DLGAP1: variants seen among roughly 807,000 people sequenced by gnomAD.
The protein encoded by DLGAP1 is disks large-associated protein 1.
A neutral mutation model predicts 90.8 loss-of-function variants in DLGAP1; 11 were observed. The observed-to-expected ratio is 0.12, with a 90% CI of 0.08 to 0.20. The LOEUF (loss-of-function observed/expected upper bound fraction) is 0.20, where lower values mean the gene tolerates loss of function less well. DLGAP1 is among the 10% of genes least tolerant of loss of function. The pLI, the probability that DLGAP1 is intolerant of heterozygous loss-of-function variation, is 1.00. For synonymous variants in DLGAP1, 558 were observed against 540.7 expected, an observed-to-expected ratio of 1.03 and a Z score of -0.44; for missense variants, 1,050 against 1,333.8, an observed-to-expected ratio of 0.79 and a Z score of 3.31.
intron 3 of DLGAP1, among the ~76,000 whole-genome samples, chr18:3,965,510 C>G (rs2073305235): frequency 6.6e-6 from 1 of 152,128 alleles, no homozygotes; most frequent in Non-Finnish European, 1.5e-5. Context: ...TATCTAGATA[C>G]TGGAGTAGGT....
chr18:3,659,126 G>A (rs2059594493), intron 7 of DLGAP1, among the ~76,000 whole-genome samples: 1 of 152,038 alleles, frequency 6.6e-6, no homozygotes, highest in Non-Finnish European at 1.5e-5. Flanking sequence ...AAGTAACTAT[G>A]TTACAGTGAA....
rs575319727 is a variant in DLGAP1, at chr18:3,906,159, A to C, written c.-72-26019T>G. Among the ~76,000 whole-genome samples, 138 of 152,322 alleles carry C rather than the reference A, an allele frequency of 9.1e-4. 2 individuals are homozygous for C. The highest frequency in any genetic ancestry group is 3.2e-3 in the African/African-American group (131 of 41,570). On this transcript the variant is annotated intron_variant, in intron 3 of 12. Transcript: ENST00000315677. ...TTTGAAATTGATGTAAACTTAGTCC[A>C]TCTTTATAGTAGAAAAGAACTGAAC...
chr18:4,283,445 C>A (rs1361949452), intron 1 of DLGAP1, among the ~76,000 whole-genome samples: 1 of 152,072 alleles, frequency 6.6e-6, no homozygotes, highest in East Asian at 1.9e-4. Context: ...CAAACATATA[C>A]TAGTTACCAC....
At chr18:3,938,106 C>A (rs2072682575) in intron 3 of DLGAP1, among the ~76,000 whole-genome samples, 1 of 152,162 alleles carries the variant, frequency 6.6e-6, no homozygotes, top group African/African-American at 2.4e-5. Flanking sequence ...ACTAAGGCAA[C>A]TGAAGTTTGG....
intron 3 of DLGAP1, among the ~76,000 whole-genome samples, chr18:3,947,723 C>T (rs2072904999): frequency 6.6e-6 from 1 of 152,166 alleles, no homozygotes; most frequent in Admixed American, 6.5e-5. Flanking sequence ...AGAACTTGCC[C>T]TATATCACAT....
At chr18:4,413,633 C>T (rs1037573677) in intron 1 of DLGAP1, among the ~76,000 whole-genome samples, 6 of 152,178 alleles carry the variant, frequency 3.9e-5, no homozygotes, top group African/African-American at 1.4e-4. Context: ...CACAAAAGGA[C>T]ACACACAGTA....
intron 4 of DLGAP1, among the ~76,000 whole-genome samples, chr18:3,842,874 T>C (rs1459178564): frequency 1.3e-5 from 2 of 152,200 alleles, no homozygotes; most frequent in Non-Finnish European, 2.9e-5. Context: ...TGAGGTCATA[T>C]TAACAGTAAT....
chr18:3,600,875 T>TATATAGATATATATAGATATATAG (rs2056928636), intron 7 of DLGAP1, among the ~76,000 whole-genome samples: 1 of 32,748 alleles, frequency 3.1e-5, no homozygotes, highest in South Asian at 7.5e-4. Context: ...GATATATAGA[T>TATATAGATATATATAGATATATAG]ATATAGATAG....
intron 2 of DLGAP1, among the ~76,000 whole-genome samples, chr18:4,093,759 A>G (rs2075627007): frequency 6.6e-6 from 1 of 152,028 alleles, no homozygotes; most frequent in Admixed American, 6.6e-5. Flanking sequence ...TCTGCTTTTT[A>G]TTATAAAATT....
intron 1 of DLGAP1, among the ~76,000 whole-genome samples, chr18:4,291,096 T>C (rs761351960): frequency 2.0e-5 from 3 of 152,218 alleles, no homozygotes; most frequent in African/African-American, 7.2e-5. Flanking sequence ...AAATGGTAGA[T>C]GTTGAAAATA....
chr18:4,010,300 T>C (rs867031997), intron 2 of DLGAP1, among the ~76,000 whole-genome samples: 1 of 152,184 alleles, frequency 6.6e-6, no homozygotes. Context: ...ATCCCAGCAC[T>C]TTGGGAAGCC....
chr18:3,535,393 G>A (rs995393341), intron 9 of DLGAP1, among the ~76,000 whole-genome samples: 3 of 152,084 alleles, frequency 2.0e-5, no homozygotes, highest in African/African-American at 7.2e-5. Context: ...TACTATCTTA[G>A]TCGGGGTAAT....
chr18:4,093,114 T>C (rs998947871), intron 2 of DLGAP1, among the ~76,000 whole-genome samples: 4 of 152,188 alleles, frequency 2.6e-5, no homozygotes, highest in South Asian at 2.1e-4. Context: ...TTGGTGGAAG[T>C]GGCAATTTGT....
chr18:3,806,924 C>A (rs2066593469), intron 5 of DLGAP1, among the ~76,000 whole-genome samples: 1 of 152,176 alleles, frequency 6.6e-6, no homozygotes, highest in Non-Finnish European at 1.5e-5. Flanking sequence ...ACATGGTAAG[C>A]CACAGAACAG....
intron 4 of DLGAP1, among the ~76,000 whole-genome samples, chr18:3,814,943 A>G (rs74349694): frequency 0.05 from 7,584 of 152,250 alleles, 652 homozygotes; most frequent in African/African-American, 0.17. Context: ...ATAGGCTCAT[A>G]AATATTTTGA....
chr18:3,782,007 C>T (rs1457683210), intron 5 of DLGAP1, among the ~76,000 whole-genome samples: 4 of 150,672 alleles, frequency 2.7e-5, no homozygotes, highest in Admixed American at 6.6e-5. Flanking sequence ...AAAAACTCTA[C>T]GGGAGATTCT....
chr18:3,538,896 G>A (rs1329533964), intron 9 of DLGAP1, among the ~76,000 whole-genome samples: 1 of 152,186 alleles, frequency 6.6e-6, no homozygotes, highest in Non-Finnish European at 1.5e-5. Context: ...CCTGGCTATG[G>A]ATCTTGCAAA....
chr18:4,352,023 G>A (rs759460284), intron 1 of DLGAP1, among the ~76,000 whole-genome samples: 1 of 152,068 alleles, frequency 6.6e-6, no homozygotes, highest in Admixed American at 6.6e-5. Flanking sequence ...AGATCATCAT[G>A]GAAGAAAAAT....
intron 1 of DLGAP1, among the ~76,000 whole-genome samples, chr18:4,313,056 A>G (rs1450807047): frequency 6.6e-6 from 1 of 152,174 alleles, no homozygotes; most frequent in Non-Finnish European, 1.5e-5. Context: ...TTCCTCTCCT[A>G]AAAAATTATG....
Sources: gnomAD v4.1 joint callset for allele counts (sites outside exome capture counted in the v4.1 genomes callset) on GRCh38, gnomAD v4.1.1 for gene constraint, MANE v1.5 for transcripts, NCBI Gene and HGNC (gene_info 2026-07-23, HGNC 2026-07-21) for gene names.